The following BBS9 variants were observed in gnomAD, a reference collection of about 807,000 sequenced individuals.
The protein encoded by BBS9 is Bardet-Biedl syndrome 9, also known as protein PTHB1.
In BBS9, 89 loss-of-function variants were observed where a neutral mutation model predicts 117.7. The ratio of observed to expected loss-of-function variants is 0.76; its 90% CI spans 0.64 to 0.90. The LOEUF is 0.90. Among genes scored for constraint, BBS9 ranks in the 40% least tolerant of loss-of-function variants. The probability of loss-of-function intolerance (pLI) is 0.00; values close to 1 mark genes in which losing one functional copy is unlikely to be tolerated. For synonymous variants in BBS9, 379 were observed against 370.9 expected (o/e 1.02, Z -0.25); for missense variants, 982 against 1,042.2 (o/e 0.94, Z 0.80).
chr7:33,350,236 T>G (rs1020321525), intron 13 of BBS9, among the ~76,000 whole-genome samples: 1 of 152,188 alleles, frequency 6.6e-6, no homozygotes, highest in Non-Finnish European at 1.5e-5. Context: ...CTTTCTTTTT[T>G]TGCCTCCACA....
At chr7:33,403,908 T>C (rs1829425404) in intron 19 of BBS9, among the ~76,000 whole-genome samples, 1 of 152,190 alleles carries the variant, frequency 6.6e-6, no homozygotes, top group African/African-American at 2.4e-5. Context: ...TCCACAGTGG[T>C]TGAACTAGTT....
At chr7:33,266,215 A>T (rs1207532280) in intron 7 of BBS9, among the ~76,000 whole-genome samples, 2 of 152,226 alleles carry the variant, frequency 1.3e-5, no homozygotes, top group Non-Finnish European at 2.9e-5. Flanking sequence ...CGATTAGTGA[A>T]TAGAGTAAGA....
At chr7:33,147,707 G>T (rs1792645289) in intron 2 of BBS9, among the ~76,000 whole-genome samples, 1 of 152,142 alleles carries the variant, frequency 6.6e-6, no homozygotes, top group Non-Finnish European at 1.5e-5. Context: ...CAGCTTGGTT[G>T]GAAACTATAC....
At chr7:33,242,465 A>G (rs1794691586) in intron 5 of BBS9, among the ~76,000 whole-genome samples, 1 of 152,112 alleles carries the variant, frequency 6.6e-6, no homozygotes, top group Non-Finnish European at 1.5e-5. Flanking sequence ...TGATTTAGGA[A>G]AATGCCCAAC....
At chr7:33,452,590 G>C (rs1838052324) in intron 19 of BBS9, among the ~76,000 whole-genome samples, 1 of 152,142 alleles carries the variant, frequency 6.6e-6, no homozygotes, top group African/African-American at 2.4e-5. Context: ...TGGACACAAA[G>C]CTCTGAGCAT....
At chr7:33,309,532 T>C (rs1455555326) in intron 9 of BBS9, among the ~76,000 whole-genome samples, 1 of 152,154 alleles carries the variant, frequency 6.6e-6, no homozygotes, top group African/African-American at 2.4e-5. Context: ...AAAGAATTAT[T>C]GTTATTCTTT....
At chr7:33,443,616 A>G (rs1836543447) in intron 19 of BBS9, among the ~76,000 whole-genome samples, 2 of 152,230 alleles carry the variant, frequency 1.3e-5, no homozygotes. Context: ...CCTATTACAC[A>G]TAAGCGTGCA....
At chr7:33,602,112 A>T (rs931266191) in intron 21 of BBS9, among the ~76,000 whole-genome samples, 3 of 152,172 alleles carry the variant, frequency 2.0e-5, no homozygotes, top group African/African-American at 7.2e-5. Flanking sequence ...AAGGGCAGCA[A>T]CCAAGGGAAT....
At chr7:33,331,661 C>CAAA (rs34096023) in intron 9 of BBS9, among the ~76,000 whole-genome samples, 3 of 116,762 alleles carry the variant, frequency 2.6e-5, no homozygotes, top group Admixed American at 8.7e-5. Flanking sequence ...TTACAACTGC[C>CAAA]AAAAAAAAAA....
At chr7:33,250,063 A>G (rs1326609242) in intron 5 of BBS9, among the ~76,000 whole-genome samples, 2 of 152,168 alleles carry the variant, frequency 1.3e-5, no homozygotes, top group Non-Finnish European at 2.9e-5. Context: ...ATGTTAATGC[A>G]TATTATTTTA....
In BBS9 at chr7:33,605,274, G is replaced by C; in HGVS notation, c.*48G>C. On this transcript the variant is annotated 3_prime_UTR_variant, in exon 23 of 23. Transcript: ENST00000242067. The stretch of plus-strand genomic sequence containing the variant: ...AGAGGAACATCCCCATCTCAAGGCC[G>C]AACCTGTGTGAACCTCATGCCAAGC... 1 of 1,549,446 alleles carries C rather than the reference G, an allele frequency of 6.5e-7. No homozygotes were observed. Among genetic ancestry groups the C allele is most frequent in the African/African-American group, 1.4e-5 (1 of 73,520 alleles).
rs550142488 is a variant in BBS9 at position 33,313,058 on chromosome 7, T to C, written c.1017-23383T>C. On this transcript the variant is annotated intron_variant, in intron 9 of 22. Coordinates refer to ENST00000242067, the MANE Select transcript of BBS9 (RefSeq NM_198428.3). ...TGTGGTGTGTGTGTGTGTGTGTGTG[T>C]GTGTGTGCGCGCACAGGCACGTATT... Among the ~76,000 whole-genome samples the C allele has an allele frequency of 3.3e-5, 5 of 151,372 alleles. No homozygotes were observed. In the South Asian group the frequency reaches 1.0e-3, roughly 32 times the overall value.
intron 2 of BBS9, among the ~76,000 whole-genome samples, chr7:33,147,535 C>T (rs1792612710): frequency 6.6e-6 from 1 of 152,172 alleles, no homozygotes; most frequent in South Asian, 2.1e-4. Context: ...GGAAGGCCTT[C>T]TATTCAGAGG....
At chr7:33,384,694 G>A (rs935142663) in intron 18 of BBS9, among the ~76,000 whole-genome samples, 72 of 146,360 alleles carry the variant, frequency 4.9e-4, no homozygotes, top group Admixed American at 4.4e-3. Flanking sequence ...GTGTGTGCAT[G>A]TGTCTGTGTG....
chr7:33,413,591 TC>T (rs1831496524), intron 19 of BBS9, among the ~76,000 whole-genome samples: 1 of 152,080 alleles, frequency 6.6e-6, no homozygotes, highest in Non-Finnish European at 1.5e-5. Context: ...GAATGTGCCT[TC>T]CTTCATGGTC....
At position 33,303,526 on chromosome 7, in the gene BBS9, C is replaced by CCG. The variant is rs141879905; in HGVS notation, c.1016+29571_1016+29572insGC. Among the ~76,000 whole-genome samples the CCG allele has an allele frequency of 8.6e-3, 992 of 115,534 alleles. 46 individuals carry two copies. The highest frequency in any genetic ancestry group is 0.031 in the African/African-American group (942 of 30,034). The allele number at this position is 115,534 out of a possible 152,430, so 75.8% of individuals were successfully genotyped here. A position where few individuals can be genotyped will look rare whatever the true frequency, so the allele number is the denominator to read the frequency against. On this transcript the variant is annotated intron_variant, in intron 9 of 22. Transcript: ENST00000242067. ...GTATCAACTGAAATGATCCCCTCCC[C>CCG]CCGCCCCTTCTTTCTTTGGTCTCCC...
intron 5 of BBS9, among the ~76,000 whole-genome samples, chr7:33,182,637 T>C (rs1798251468): frequency 6.6e-6 from 1 of 152,212 alleles, no homozygotes; most frequent in South Asian, 2.1e-4. Flanking sequence ...ATTATAGTCT[T>C]AATTTTTTTA....
In BBS9 at chr7:33,367,875, A is replaced by G; in HGVS notation, c.1789+13A>G. On this transcript the variant is annotated intron_variant, in intron 17 of 22. Coordinates refer to ENST00000242067, the MANE Select transcript of BBS9 (RefSeq NM_198428.3). ...TCCAAAACTTCTCGTAAGTAAAACC[A>G]TGTTATCATTGCTTTTTAAATTTTT... 1.2e-6 allele frequency: 2 copies of G among 1,609,854 alleles called. No individual in the cohort carries two copies. The highest frequency in any genetic ancestry group is 1.7e-6 in the Non-Finnish European group (2 of 1,176,264).
chr7:33,541,184 A>G (rs976564861), intron 21 of BBS9, among the ~76,000 whole-genome samples: 2 of 151,920 alleles, frequency 1.3e-5, no homozygotes, highest in African/African-American at 2.4e-5. Context: ...CCTTCAGGCA[A>G]TTCCACATGC....
Sources: allele counts gnomAD v4.1 joint callset (sites outside exome capture counted in the v4.1 genomes callset), GRCh38; gene constraint gnomAD v4.1.1; transcripts MANE v1.5; gene names NCBI Gene and HGNC (gene_info 2026-07-23, HGNC 2026-07-21).